The following BMERB1 variants were observed in gnomAD, a reference collection of about 807,000 sequenced individuals.
BMERB1 encodes the protein bMERB domain-containing protein 1.
BMERB1 carries 12 observed loss-of-function variants against 23.6 expected under a neutral mutation model. The ratio of observed to expected loss-of-function variants is 0.51; its 90% confidence interval spans 0.33 to 0.82. BMERB1 has a LOEUF of 0.82. BMERB1 is among the 40% of genes least tolerant of loss of function. BMERB1 has a pLI of 0.03. For synonymous variants in BMERB1, 122 were observed against 96.6 expected (o/e 1.26, Z -1.54); for missense variants, 247 against 255.4 (o/e 0.97, Z 0.22).
intron 2 of BMERB1, among the ~76,000 whole-genome samples, chr16:15,519,854 C>G (rs192477997): frequency 6.6e-6 from 1 of 152,076 alleles, no homozygotes; most frequent in Non-Finnish European, 1.5e-5. Context: ...TTTCCTGCCA[C>G]GACAGTGAGG....
At chr16:15,468,779 A>AT (rs1180598571) in intron 1 of BMERB1, among the ~76,000 whole-genome samples, 5 of 151,780 alleles carry the variant, frequency 3.3e-5, no homozygotes, top group Admixed American at 1.3e-4. Context: ...GGTTCTTAAG[A>AT]TTTTCCCTTG....
At chr16:15,445,839 G>C (rs2050984405) in intron 1 of BMERB1, among the ~76,000 whole-genome samples, 1 of 152,128 alleles carries the variant, frequency 6.6e-6, no homozygotes, top group Non-Finnish European at 1.5e-5. Context: ...GTTCATAGCA[G>C]CTTTTTTAGG....
At chr16:15,454,267 T>G (rs2051065850) in intron 1 of BMERB1, among the ~76,000 whole-genome samples, 2 of 152,168 alleles carry the variant, frequency 1.3e-5, no homozygotes, top group South Asian at 4.2e-4. Flanking sequence ...GGATGTAACA[T>G]AAAGTCTAAT....
chr16:15,489,277 G>A (rs1003035959), intron 1 of BMERB1, among the ~76,000 whole-genome samples: 7 of 152,166 alleles, frequency 4.6e-5, no homozygotes, highest in Non-Finnish European at 1.0e-4. Flanking sequence ...ATACTGGGAG[G>A]CAAATCAACA....
chr16:15,581,628 G>A (rs1427969130), intron 4 of BMERB1, among the ~76,000 whole-genome samples: 1 of 152,200 alleles, frequency 6.6e-6, no homozygotes, highest in Non-Finnish European at 1.5e-5. Flanking sequence ...TGTCACTCCT[G>A]AAGGCAATGT....
chr16:15,436,490 C>T (rs2050889283), intron 1 of BMERB1, among the ~76,000 whole-genome samples: 1 of 152,094 alleles, frequency 6.6e-6, no homozygotes, highest in African/African-American at 2.4e-5. Flanking sequence ...AACTCCTGAC[C>T]TCAGGTGATC....
At chr16:15,577,921 C>T (rs1040098280) in intron 3 of BMERB1, among the ~76,000 whole-genome samples, 3 of 152,212 alleles carry the variant, frequency 2.0e-5, no homozygotes, top group Non-Finnish European at 2.9e-5. Flanking sequence ...GAGATCTCAT[C>T]GGGAAACCGC....
intron 2 of BMERB1, among the ~76,000 whole-genome samples, chr16:15,558,054 ATT>A (rs796097993): frequency 4.2e-5 from 6 of 143,560 alleles, no homozygotes; most frequent in African/African-American, 1.8e-4. Context: ...AAAAAAAAAA[ATT>A]TTTTTTGACT....
At chr16:15,557,868 A>G (rs2150968521) in intron 2 of BMERB1, among the ~76,000 whole-genome samples, 1 of 152,264 alleles carries the variant, frequency 6.6e-6, no homozygotes, top group South Asian at 2.1e-4. Context: ...AAGATGGTGA[A>G]ACTCCATCTC....
chr16:15,577,685 C>T (rs540898958), intron 3 of BMERB1, among the ~76,000 whole-genome samples: 220 of 152,316 alleles, frequency 1.4e-3, no homozygotes, highest in Non-Finnish European at 2.7e-3. Flanking sequence ...GGTTTTATGT[C>T]TCTCCTCCCT....
At chr16:15,560,589 T>G (rs757754473) in intron 2 of BMERB1, among the ~76,000 whole-genome samples, 1 of 151,952 alleles carries the variant, frequency 6.6e-6, no homozygotes, top group African/African-American at 2.4e-5. Context: ...TCCAGGAGTT[T>G]GAGACCAGCC....
chr16:15,517,064 C>T (rs1018442354), intron 2 of BMERB1, among the ~76,000 whole-genome samples: 1 of 152,192 alleles, frequency 6.6e-6, no homozygotes, highest in African/African-American at 2.4e-5. Flanking sequence ...TAAATGCTTC[C>T]CATGCATAAT....
chr16:15,550,726 T>G (rs1418776746), intron 2 of BMERB1, among the ~76,000 whole-genome samples: 3 of 152,284 alleles, frequency 2.0e-5, no homozygotes, highest in Non-Finnish European at 4.4e-5. Context: ...TATATCTGGG[T>G]GACATGCGTA....
At position 15,587,918 on chromosome 16, in the gene BMERB1, G is replaced by GCAGT. The variant is rs1327902066; in HGVS notation, c.*1092_*1095dup. 3 of 153,368 alleles carry GCAGT rather than the reference G, an allele frequency of 2.0e-5. No individual in the cohort carries two copies. The highest frequency in any genetic ancestry group is 6.5e-5 in the Admixed American group (1 of 15,346). The allele number at this position is 153,368 out of a possible 1,614,324, so 9.5% of individuals were successfully genotyped here. On this transcript the variant is annotated 3_prime_UTR_variant, in exon 6 of 6. Coordinates refer to ENST00000300006, the MANE Select transcript of BMERB1 (RefSeq NM_033201.3). ...TTAGCATAACTCAAGATGCTGATGTGCAGTCACCCATCAGAGAAAATAAAA... is the reference window on the plus strand; with the variant it reads ...TTAGCATAACTCAAGATGCTGATGTGCAGTCAGTCACCCATCAGAGAAAATAAAA...
chr16:15,440,224 G>A (rs1365754622), intron 1 of BMERB1, among the ~76,000 whole-genome samples: 3 of 130,386 alleles, frequency 2.3e-5, no homozygotes, highest in African/African-American at 5.9e-5. Flanking sequence ...CAGCCTGGGT[G>A]ACAGAGCAAG....
intron 1 of BMERB1, among the ~76,000 whole-genome samples, chr16:15,474,944 C>A (rs2051262657): frequency 6.6e-6 from 1 of 152,100 alleles, no homozygotes; most frequent in South Asian, 2.1e-4. Context: ...CGCTTGGCCT[C>A]CCAAAGCACT....
intron 2 of BMERB1, chr16:15,532,940 C>T (rs575487085): frequency 3.2e-4 from 142 of 450,368 alleles, no homozygotes; most frequent in Non-Finnish European, 5.2e-4. Context: ...TTACTTGCTC[C>T]GGATTAAATT....
At chr16:15,442,343 AAAAG>A (rs2050946521) in intron 1 of BMERB1, among the ~76,000 whole-genome samples, 1 of 152,068 alleles carries the variant, frequency 6.6e-6, no homozygotes, top group African/African-American at 2.4e-5. Context: ...AAAAAAAAAA[AAAAG>A]AATTAGGAGA....
intron 1 of BMERB1, among the ~76,000 whole-genome samples, chr16:15,490,001 G>A (rs2051405679): frequency 6.6e-6 from 1 of 151,976 alleles, no homozygotes; most frequent in South Asian, 2.1e-4. Context: ...CGAGTAGCTG[G>A]GACTACAGGC....
Sources: allele counts gnomAD v4.1 joint callset (sites outside exome capture counted in the v4.1 genomes callset), GRCh38; gene constraint gnomAD v4.1.1; transcripts MANE v1.5; gene names NCBI Gene and HGNC (gene_info 2026-07-23, HGNC 2026-07-21).